The following MAP2K5 variants were observed in gnomAD, a reference collection of about 807,000 sequenced individuals.
MAP2K5 encodes the protein mitogen-activated protein kinase kinase 5.
MAP2K5 carries 49 observed loss-of-function variants against 83.1 expected under a neutral mutation model. The ratio of observed to expected loss-of-function variants is 0.59; its 90% CI spans 0.47 to 0.75. MAP2K5 has a LOEUF of 0.75. Ranked by LOEUF, MAP2K5 falls within the 30% of genes least tolerant of loss-of-function variation. The pLI is 0.00. For missense variants in MAP2K5, 457 were observed against 557.5 expected, an observed-to-expected ratio of 0.82 and a Z score of 1.82; for synonymous variants, 202 against 191.8, an observed-to-expected ratio of 1.05 and a Z score of -0.44.
At chr15:67,631,071 G>A in intron 9 of MAP2K5, 144 bp downstream of exon 9, 1 of 618,800 alleles carries the variant, frequency 1.6e-6, no homozygotes, top group East Asian at 2.9e-5. Flanking sequence ...GCTCTCTGGT[G>A]ACATTCAGAC....
intron 19 of MAP2K5, among the ~76,000 whole-genome samples, chr15:67,752,021 C>A (rs780502255): frequency 2.5e-4 from 38 of 152,276 alleles, no homozygotes; most frequent in Non-Finnish European, 1.3e-4. Context: ...TTTGTCCCAA[C>A]AACCTGACCG....
rs2088955895 is a variant in MAP2K5 at position 67,721,357 on chromosome 15, T to A, written c.1045-6559T>A. On this transcript the variant is annotated intron_variant, in intron 16 of 21. Transcript: ENST00000178640. The stretch of plus-strand genomic sequence containing the variant: ...GTGGACTTTGGTGAGGACAAGTAGT[T>A]GTTGTTTTTTGTTTTGGTTTTAATA... 3.9e-5 allele frequency among the ~76,000 whole-genome samples: 6 copies of A among 152,204 alleles called. No homozygotes were observed. In the South Asian group the frequency reaches 1.2e-3, roughly 31 times the overall value.
At chr15:67,633,925 A>AT (rs1156375539) in intron 9 of MAP2K5, among the ~76,000 whole-genome samples, 2 of 152,134 alleles carry the variant, frequency 1.3e-5, no homozygotes, top group Non-Finnish European at 2.9e-5. Context: ...ATATTTGGAG[A>AT]TTTTCCATCT....
At chr15:67,772,846 A>G (rs751639937) in intron 21 of MAP2K5, 94 bp downstream of exon 21, 33 of 988,470 alleles carry the variant, frequency 3.3e-5, no homozygotes, top group Non-Finnish European at 4.3e-5. Flanking sequence ...TGAAACAGCC[A>G]TAGGCTCTGA....
chr15:67,635,722 A>G (rs1439740641), intron 9 of MAP2K5, among the ~76,000 whole-genome samples: 1 of 151,820 alleles, frequency 6.6e-6, no homozygotes, highest in East Asian at 1.9e-4. Flanking sequence ...AGGCATTTTA[A>G]TTTTTGCTAA....
At chr15:67,693,415 G>T in intron 14 of MAP2K5, 103 bp from the exon 15 acceptor site, 2 of 875,742 alleles carry the variant, frequency 2.3e-6, no homozygotes, top group Non-Finnish European at 3.7e-6. Flanking sequence ...ATAATTTTTA[G>T]TTGATTTATA....
chr15:67,664,689 T>A, intron 13 of MAP2K5, 44 bp downstream of exon 13: 2 of 1,327,000 alleles, frequency 1.5e-6, no homozygotes, highest in Non-Finnish European at 2.2e-6. Flanking sequence ...TGGGGTGGGG[T>A]TGGGTCTCTC....
At position 67,806,606 on chromosome 15, in the gene MAP2K5, C is replaced by A. The variant is rs565170999; in HGVS notation, c.1243-40C>A. ...TGGAAAGTACAATGAGCGCGGGAGT[C>A]CGAGGACTGCCTGTCACAGCCTCCT... On this transcript the variant is annotated intron_variant, in intron 21 of 21. Coordinates refer to ENST00000178640, the MANE Select transcript of MAP2K5 (RefSeq NM_145160.3). 2.0e-6 allele frequency: 3 copies of A among 1,524,742 alleles called. No homozygotes were observed. In the East Asian group the frequency reaches 7.3e-5, roughly 37 times the overall value. 94.5% of individuals were successfully genotyped at this position (1,524,742 alleles called of 1,614,324 possible).
chr15:67,574,921 G>A (rs1222552001), intron 3 of MAP2K5, among the ~76,000 whole-genome samples: 2 of 152,018 alleles, frequency 1.3e-5, no homozygotes, highest in African/African-American at 4.8e-5. Context: ...GGTTAAATAC[G>A]GGGGAGAAGA....
rs1168286993 is a variant in MAP2K5, at chr15:67,638,106, G to T, written c.585+7179G>T. On this transcript the variant is annotated intron_variant, in intron 9 of 21. Transcript: ENST00000178640. This position sits in a 1 kb window ranked among gnomAD's most constrained non-coding sequence, Gnocchi z 4.5. ...AATTTAACTTTTAAGGGGTACATGT[G>T]CAGGTTTGTTATATAAGTATACTTG... Among the ~76,000 whole-genome samples, 1 of 151,574 alleles carries T rather than the reference G, an allele frequency of 6.6e-6. No individual in the cohort carries two copies. The highest frequency in any genetic ancestry group is 1.9e-4 in the East Asian group (1 of 5,184).
At chr15:67,728,688 G>A (rs1345421354) in intron 17 of MAP2K5, among the ~76,000 whole-genome samples, 1 of 152,226 alleles carries the variant, frequency 6.6e-6, no homozygotes, top group African/African-American at 2.4e-5. Context: ...ACAGGCCAAA[G>A]TGCCTAGAGG....
At chr15:67,618,318 T>C (rs774241584) in intron 8 of MAP2K5, among the ~76,000 whole-genome samples, 1 of 152,206 alleles carries the variant, frequency 6.6e-6, no homozygotes, top group Non-Finnish European at 1.5e-5. Context: ...GCTTACTGTT[T>C]GTACCTTCTC....
intron 7 of MAP2K5, among the ~76,000 whole-genome samples, chr15:67,596,455 G>GA (rs1050220336): frequency 3.3e-5 from 5 of 151,238 alleles, no homozygotes; most frequent in Admixed American, 6.6e-5. Flanking sequence ...TTTGTATATA[G>GA]AAAAAAAAGG....
chr15:67,754,780 CA>C (rs966604416), intron 19 of MAP2K5, among the ~76,000 whole-genome samples: 27 of 152,026 alleles, frequency 1.8e-4, no homozygotes, highest in African/African-American at 6.5e-4. Context: ...ATGGTTGGCC[CA>C]AAGTGAAGCT....
At chr15:67,645,419 A>G (rs1431638410) in intron 9 of MAP2K5, among the ~76,000 whole-genome samples, 1 of 152,122 alleles carries the variant, frequency 6.6e-6, no homozygotes, top group Non-Finnish European at 1.5e-5. Flanking sequence ...CAGAGATTGC[A>G]GTGAACCAAG....
chr15:67,682,591 T>C (rs935756439), intron 13 of MAP2K5, among the ~76,000 whole-genome samples: 1 of 150,354 alleles, frequency 6.7e-6, no homozygotes, highest in South Asian at 2.2e-4. Flanking sequence ...CCCAGCACTT[T>C]GGGAGGCCAA....
In MAP2K5 at chr15:67,755,328, T is replaced by C. The variant is rs1005158879; in HGVS notation, c.1134+6727T>C. Among the ~76,000 whole-genome samples the C allele has an allele frequency of 4.6e-5, 7 of 152,134 alleles. No individual in the cohort carries two copies. The highest frequency in any genetic ancestry group is 4.1e-4 in the South Asian group (2 of 4,828). On this transcript the variant is annotated intron_variant, in intron 19 of 21. Coordinates refer to ENST00000178640, the MANE Select transcript of MAP2K5 (RefSeq NM_145160.3). The surrounding 1 kb of genome is among the most constrained non-coding windows in gnomAD (Gnocchi z 4.7). ...TATAAAGTAGGCTCTTCCCTTATTT[T>C]TCTCCTCCCTTTCCCAGTCCTCCAT...
intron 11 of MAP2K5, among the ~76,000 whole-genome samples, chr15:67,654,454 AGTTGGAT>A (rs1421809894): frequency 2.0e-5 from 3 of 152,126 alleles, no homozygotes; most frequent in Non-Finnish European, 4.4e-5. Flanking sequence ...GACAGCATAT[AGTTGGAT>A]CATTTTTTTA....
At chr15:67,699,969 G>GT (rs1286366876) in intron 15 of MAP2K5, among the ~76,000 whole-genome samples, 24 of 21,492 alleles carry the variant, frequency 1.1e-3, no homozygotes, top group Non-Finnish European at 5.9e-4. Context: ...TCTTGCCAAT[G>GT]TAAAAAAAAA....
Sources: allele counts gnomAD v4.1 joint callset (sites outside exome capture counted in the v4.1 genomes callset), GRCh38; gene constraint gnomAD v4.1.1; non-coding constraint Gnocchi (gnomAD v3.1); transcripts MANE v1.5; gene names NCBI Gene and HGNC (gene_info 2026-07-23, HGNC 2026-07-21).